Variants in DDR2 observed in about 807,000 individuals in gnomAD.
The protein encoded by DDR2 is discoidin domain receptor tyrosine kinase 2.
Under a neutral mutation model 94.9 loss-of-function variants are expected in DDR2, and 27 were observed. That is an observed-to-expected ratio of 0.28 (90% confidence interval 0.21 to 0.39). The LOEUF is 0.39. Among genes scored for constraint, DDR2 ranks in the 10% least tolerant of loss-of-function variants. The pLI is 1.00. For missense variants in DDR2, 783 were observed against 1,076.0 expected, an observed-to-expected ratio of 0.73 and a Z score of 3.81; for synonymous variants, 382 against 377.2, an observed-to-expected ratio of 1.01 and a Z score of -0.15.
intron 2 of DDR2, among the ~76,000 whole-genome samples, chr1:162,687,765 A>T (rs1381078886): frequency 4.6e-5 from 7 of 152,168 alleles, no homozygotes; most frequent in Non-Finnish European, 1.0e-4. Context: ...GAATTTCAAG[A>T]CACTGACATC....
At chr1:162,742,037 A>G (rs538391984) in intron 3 of DDR2, among the ~76,000 whole-genome samples, 12 of 152,252 alleles carry the variant, frequency 7.9e-5, no homozygotes, top group Non-Finnish European at 1.3e-4. Context: ...TCTTCCCTTC[A>G]ATTTCACTTC....
chr1:162,753,773 A>T (rs1664158142), intron 4 of DDR2, among the ~76,000 whole-genome samples: 1 of 151,364 alleles, frequency 6.6e-6, no homozygotes, highest in Non-Finnish European at 1.5e-5. Flanking sequence ...ACATCAATAA[A>T]CTCCCTACTG....
At chr1:162,712,567 G>A (rs1660967938) in intron 2 of DDR2, among the ~76,000 whole-genome samples, 1 of 152,042 alleles carries the variant, frequency 6.6e-6, no homozygotes, top group African/African-American at 2.4e-5. Flanking sequence ...TCCCAGTGGG[G>A]GCAGTCCTGA....
At chr1:162,760,179 G>A (rs1268453589) in intron 8 of DDR2, among the ~76,000 whole-genome samples, 200 bp downstream of exon 8, 2 of 152,088 alleles carry the variant, frequency 1.3e-5, no homozygotes, top group Non-Finnish European at 2.9e-5. Context: ...GTTAGAATAG[G>A]TCAGTGAGCT....
chr1:162,666,420 C>T (rs1055408751), intron 2 of DDR2, among the ~76,000 whole-genome samples: 9 of 152,072 alleles, frequency 5.9e-5, no homozygotes, highest in South Asian at 2.1e-4. Context: ...GGTGTGGCTT[C>T]GATGGCAATG....
At chr1:162,775,629 A>G (rs1425987884) in intron 14 of DDR2, 23 bp from the exon 15 acceptor site, 1 of 1,613,400 alleles carries the variant, frequency 6.2e-7, no homozygotes, top group Non-Finnish European at 8.5e-7. Flanking sequence ...TTCTGAGTTT[A>G]TCTATGTCTG....
rs12129499 is a variant in DDR2, at chr1:162,772,412, T to G, written c.1728+165T>G. On this transcript the variant is annotated intron_variant, in intron 13 of 17. Coordinates refer to ENST00000367921, the MANE Select transcript of DDR2 (RefSeq NM_006182.4). The stretch of plus-strand genomic sequence containing the variant: ...ATTTCAGTATTGGGTCAACCTAATC[T>G]TTGTCAAATAGCTGTGGAGTTCCTG... 0.025 allele frequency: 19,111 copies of G among 770,318 alleles called. 286 individuals carry two copies. The highest frequency in any genetic ancestry group is 0.033 in the Non-Finnish European group (15,176 of 458,764). 47.7% of individuals were successfully genotyped at this position (770,318 alleles called of 1,614,324 possible). A position where few individuals can be genotyped will look rare whatever the true frequency, so the allele number is the denominator to read the frequency against.
chr1:162,683,521 A>G (rs1464081296), intron 2 of DDR2, among the ~76,000 whole-genome samples: 3 of 152,192 alleles, frequency 2.0e-5, no homozygotes, highest in East Asian at 1.9e-4. Flanking sequence ...ACAAAAATCA[A>G]TTGTACGTCT....
intron 2 of DDR2, among the ~76,000 whole-genome samples, chr1:162,666,286 C>CT (rs1658561093): frequency 6.6e-6 from 1 of 152,186 alleles, no homozygotes; most frequent in Non-Finnish European, 1.5e-5. Context: ...TTTTGAAGTG[C>CT]TTAAGGGCAG....
At chr1:162,656,706 C>T (rs901997841) in intron 2 of DDR2, among the ~76,000 whole-genome samples, 4 of 151,964 alleles carry the variant, frequency 2.6e-5, no homozygotes, top group African/African-American at 9.7e-5. Flanking sequence ...TATGCTTCAC[C>T]ACCAACCAGA....
intron 16 of DDR2, among the ~76,000 whole-genome samples, chr1:162,776,922 T>C (rs1170878933): frequency 1.3e-5 from 2 of 152,182 alleles, no homozygotes; most frequent in Non-Finnish European, 2.9e-5. Flanking sequence ...TACCTGAGAC[T>C]TTTTATTGTT....
chr1:162,778,478 C>A, intron 16 of DDR2, 102 bp from the exon 17 acceptor site: 3 of 1,421,770 alleles, frequency 2.1e-6, no homozygotes, highest in Non-Finnish European at 3.0e-6. Context: ...GAATTCCTTG[C>A]CTGTGGTGGG....
rs1213645775 is a variant in DDR2 at position 162,755,132 on chromosome 1, A to C, written c.418-24A>C. Reference sequence around the variant, plus strand: ...GAGCATGATTTAATACCACCTCTTCACTCATTCTCTTCTCTCTCCTCAGGT... The same window carrying C: ...GAGCATGATTTAATACCACCTCTTCCCTCATTCTCTTCTCTCTCCTCAGGT... On this transcript the variant is annotated intron_variant, in intron 5 of 17. Coordinates refer to ENST00000367921, the MANE Select transcript of DDR2 (RefSeq NM_006182.4). The C allele has an allele frequency of 2.5e-6, 4 of 1,613,742 alleles. No homozygotes were observed. In the Admixed American group the frequency reaches 5.0e-5, roughly 20 times the overall value.
chr1:162,741,194 T>TAACAC (rs1553250247), intron 3 of DDR2, among the ~76,000 whole-genome samples: 35 of 77,558 alleles, frequency 4.5e-4, no homozygotes, highest in Non-Finnish European at 6.4e-4. Flanking sequence ...TAACATAACA[T>TAACAC]AATACAATAC....
intron 3 of DDR2, 27 bp downstream of exon 3, chr1:162,719,172 G>T: frequency 6.2e-7 from 1 of 1,613,460 alleles, no homozygotes; most frequent in Non-Finnish European, 8.5e-7. Flanking sequence ...TCAGCTATAT[G>T]CTAGAAGACC....
At chr1:162,743,614 A>G (rs1340670058) in intron 3 of DDR2, among the ~76,000 whole-genome samples, 6 of 152,220 alleles carry the variant, frequency 3.9e-5, no homozygotes, top group Admixed American at 2.6e-4. Context: ...GAATGAACAT[A>G]AAGGCCTGGC....
intron 3 of DDR2, among the ~76,000 whole-genome samples, chr1:162,727,242 A>G (rs185392250): frequency 1.3e-3 from 153 of 114,174 alleles, no homozygotes; most frequent in Non-Finnish European, 1.6e-3. Context: ...TGTAAATATA[A>G]ACATATATTT....
chr1:162,753,336 G>A (rs879938604), intron 4 of DDR2, 139 bp downstream of exon 4: 5 of 761,796 alleles, frequency 6.6e-6, no homozygotes, highest in Admixed American at 2.0e-5. Flanking sequence ...CAGCAAGTGG[G>A]CCTGTCCTGC....
chr1:162,642,975 GCTAGGATGTAAATTCTAGAC>G (rs1657214583), intron 1 of DDR2, among the ~76,000 whole-genome samples: 1 of 152,164 alleles, frequency 6.6e-6, no homozygotes, highest in African/African-American at 2.4e-5. Context: ...TGGATGTCAA[GCTAGGATGTAAATTCTAGAC>G]CTATACAATT....
Sources: gnomAD v4.1 joint callset for allele counts (sites outside exome capture counted in the v4.1 genomes callset) on GRCh38, gnomAD v4.1.1 for gene constraint, MANE v1.5 for transcripts, NCBI Gene and HGNC (gene_info 2026-07-23, HGNC 2026-07-21) for gene names.